BBS9: variants seen among roughly 807,000 people sequenced by gnomAD.
BBS9 encodes the protein protein PTHB1.
Under a neutral mutation model 117.7 loss-of-function variants are expected in BBS9, and 89 were observed. The observed-to-expected ratio is 0.76, with a 90% CI of 0.64 to 0.90. The LOEUF (loss-of-function observed/expected upper bound fraction) is 0.90, where lower values mean the gene tolerates loss of function less well. Ranked by LOEUF, BBS9 falls within the 40% of genes least tolerant of loss-of-function variation. The pLI is 0.00. For missense variants in BBS9, 982 were observed against 1,042.2 expected (o/e 0.94, Z 0.80); for synonymous variants, 379 against 370.9 (o/e 1.02, Z -0.25).
intron 20 of BBS9, among the ~76,000 whole-genome samples, chr7:33,528,049 C>G (rs2129052256): frequency 6.6e-6 from 1 of 152,248 alleles, no homozygotes; most frequent in South Asian, 2.1e-4. Context: ...TAATGTAATA[C>G]AATTCCATAC....
At chr7:33,603,684 G>GA (rs1277088059) in intron 21 of BBS9, among the ~76,000 whole-genome samples, 5 of 152,088 alleles carry the variant, frequency 3.3e-5, no homozygotes, top group Non-Finnish European at 7.4e-5. Flanking sequence ...TTCTGGGTAA[G>GA]GCCCTTGTCA....
intron 5 of BBS9, among the ~76,000 whole-genome samples, chr7:33,249,458 T>C (rs190303432): frequency 6.6e-6 from 1 of 152,200 alleles, no homozygotes; most frequent in Non-Finnish European, 1.5e-5. Context: ...GAAGCTGCCA[T>C]AATGGAACTT....
At chr7:33,544,019 C>T (rs575541021) in intron 21 of BBS9, among the ~76,000 whole-genome samples, 1 of 152,212 alleles carries the variant, frequency 6.6e-6, no homozygotes, top group East Asian at 1.9e-4. Flanking sequence ...TTTTGCATTT[C>T]TGAAAGTGTG....
At chr7:33,394,908 TGAGTA>T (rs1827685943) in intron 19 of BBS9, among the ~76,000 whole-genome samples, 1 of 152,184 alleles carries the variant, frequency 6.6e-6, no homozygotes, top group Admixed American at 6.6e-5. Flanking sequence ...CCTGAGACTC[TGAGTA>T]GAGTTAAGAA....
chr7:33,228,213 C>CA (rs745474442), intron 5 of BBS9, among the ~76,000 whole-genome samples: 52 of 152,170 alleles, frequency 3.4e-4, no homozygotes, highest in Admixed American at 7.9e-4. Flanking sequence ...TTTTAATTTG[C>CA]ATTTCCCTGA....
intron 21 of BBS9, among the ~76,000 whole-genome samples, chr7:33,545,891 A>G (rs1853255775): frequency 7.0e-6 from 1 of 143,568 alleles, no homozygotes; most frequent in Non-Finnish European, 1.5e-5. Context: ...TTTTATAAAA[A>G]TTGGATCATA....
At chr7:33,248,334 TA>T (rs1258789713) in intron 5 of BBS9, among the ~76,000 whole-genome samples, 1 of 152,214 alleles carries the variant, frequency 6.6e-6, no homozygotes, top group Non-Finnish European at 1.5e-5. Flanking sequence ...TCTAATTGGA[TA>T]TTGCATTATT....
At chr7:33,203,371 G>T (rs1422237347) in intron 5 of BBS9, among the ~76,000 whole-genome samples, 1 of 152,130 alleles carries the variant, frequency 6.6e-6, no homozygotes, top group Non-Finnish European at 1.5e-5. Context: ...CCCAGAGTTA[G>T]CATTTCTAAC....
intron 19 of BBS9, among the ~76,000 whole-genome samples, chr7:33,475,255 TA>T (rs1841640843): frequency 2.0e-5 from 3 of 152,234 alleles, no homozygotes; most frequent in African/African-American, 7.2e-5. Context: ...TGTATTTTTG[TA>T]AAACTTAATT....
chr7:33,583,426 A>G (rs188117097), intron 21 of BBS9, among the ~76,000 whole-genome samples: 75 of 151,968 alleles, frequency 4.9e-4, no homozygotes, highest in East Asian at 5.8e-4. Flanking sequence ...CTTTATATAT[A>G]TATTTCTCAC....
At chr7:33,532,879 A>G (rs1850800737) in intron 20 of BBS9, among the ~76,000 whole-genome samples, 1 of 152,126 alleles carries the variant, frequency 6.6e-6, no homozygotes, top group Non-Finnish European at 1.5e-5. Context: ...ATGATCATAA[A>G]TTCATTTCTT....
At chr7:33,137,337 T>A (rs1297236408) in intron 1 of BBS9, among the ~76,000 whole-genome samples, 1 of 152,154 alleles carries the variant, frequency 6.6e-6, no homozygotes, top group Non-Finnish European at 1.5e-5. Context: ...CCCCCGACAG[T>A]GCAGGGATGC....
rs570888331 is a variant in BBS9 at position 33,396,849 on chromosome 7, G to A, written c.2115+8705G>A. On this transcript the variant is annotated intron_variant, in intron 19 of 22. Transcript: ENST00000242067. Reference sequence around the variant, plus strand: ...GAATAGAGAACTCAGAAATAAGACCGCACACCTACAACCATCTGATCTTTG... The same window carrying A: ...GAATAGAGAACTCAGAAATAAGACCACACACCTACAACCATCTGATCTTTG... Among the ~76,000 whole-genome samples, 9 of 152,132 alleles carry A rather than the reference G, an allele frequency of 5.9e-5. No individual in the cohort carries two copies. In the East Asian group the frequency reaches 7.7e-4, roughly 13 times the overall value.
At chr7:33,589,145 C>T (rs1301745709) in intron 21 of BBS9, among the ~76,000 whole-genome samples, 1 of 152,066 alleles carries the variant, frequency 6.6e-6, no homozygotes, top group Non-Finnish European at 1.5e-5. Flanking sequence ...CCTCCTTATC[C>T]ATGGAGGATG....
intron 20 of BBS9, among the ~76,000 whole-genome samples, chr7:33,518,616 T>C (rs1303491391): frequency 1.3e-5 from 2 of 152,182 alleles, no homozygotes; most frequent in Non-Finnish European, 2.9e-5. Flanking sequence ...TTCACCTTTT[T>C]GGAAGAAAAA....
At chr7:33,575,506 T>G (rs901306281) in intron 21 of BBS9, among the ~76,000 whole-genome samples, 1 of 152,158 alleles carries the variant, frequency 6.6e-6, no homozygotes, top group Non-Finnish European at 1.5e-5. Context: ...CCATTCCTTC[T>G]GAAACTATTC....
chr7:33,344,181 A>AAG (rs1817146758), intron 11 of BBS9, among the ~76,000 whole-genome samples: 2 of 137,004 alleles, frequency 1.5e-5, no homozygotes, highest in African/African-American at 2.8e-5. Flanking sequence ...TCCCGGGTTC[A>AAG]TGCCATTCTC....
chr7:33,627,039 AT>A (rs1865670100), intron 21 of BBS9, among the ~76,000 whole-genome samples: 1 of 152,260 alleles, frequency 6.6e-6, no homozygotes, highest in Non-Finnish European at 1.5e-5. Flanking sequence ...CCTGGAAGGC[AT>A]TTCAGAGAAC....
chr7:33,608,545 G>GT, downstream of BBS9, among the ~76,000 whole-genome samples: 1 of 152,074 alleles, frequency 6.6e-6, no homozygotes, highest in East Asian at 1.9e-4. Context: ...GCCAGCTATT[G>GT]TTTTTTGACT....
Sources: gnomAD v4.1 joint callset for allele counts (sites outside exome capture counted in the v4.1 genomes callset) on GRCh38, gnomAD v4.1.1 for gene constraint, MANE v1.5 for transcripts, NCBI Gene and HGNC (gene_info 2026-07-23, HGNC 2026-07-21) for gene names.